Variants in ACCSL observed in about 807,000 individuals in gnomAD.
The protein encoded by ACCSL is 1-aminocyclopropane-1-carboxylate synthase homolog (inactive) like.
A neutral mutation model predicts 61.7 loss-of-function variants in ACCSL; 55 were observed. The ratio of observed to expected loss-of-function variants is 0.89; its 90% CI spans 0.72 to 1.12. The LOEUF (loss-of-function observed/expected upper bound fraction) is 1.12. Ranked by LOEUF, ACCSL falls within the 50% of genes most tolerant of loss-of-function variation. ACCSL has a pLI of 0.00. For missense variants in ACCSL, 632 were observed against 698.0 expected (o/e 0.91, Z 1.07); for synonymous variants, 258 against 264.3 (o/e 0.98, Z 0.23).
chr11:44,050,422 G>T, intron 2 of ACCSL, 130 bp from the exon 3 acceptor site: 1 of 768,650 alleles, frequency 1.3e-6, no homozygotes, highest in Non-Finnish European at 2.2e-6. Flanking sequence ...GGAGCATGCA[G>T]TGTATATACC....
the ACCSL span, among the ~76,000 whole-genome samples, chr11:43,966,242 A>G: frequency 1.3e-5 from 2 of 152,194 alleles, no homozygotes; most frequent in African/African-American, 2.4e-5. Flanking sequence ...CGTGGCCAAC[A>G]TGGTAAAACC....
At position 44,048,060 on chromosome 11, in the gene ACCSL, T is replaced by C. The variant is rs776707991; in HGVS notation, c.24T>C (p.Leu8=). ...GTATGAGTCATCGGTCAGACACCCT[T>C]CCTGTGCCCTCTGGTCAGAGGAGAG... MSHRSDT[L]PVPSGQRRGR... Residue 8 remains leucine (L), a synonymous_variant, in exon 1 of 14, where the codon CTT becomes CTC. Coordinates refer to ENST00000378832, the MANE Select transcript of ACCSL (RefSeq NM_001031854.2). 38 of 1,612,996 alleles carry C rather than the reference T, an allele frequency of 2.4e-5. No individual in the cohort carries two copies. Among genetic ancestry groups the C allele is most frequent in the Non-Finnish European group, 3.2e-5 (38 of 1,179,188 alleles).
At chr11:43,943,601 C>G in the ACCSL span, 1 of 1,308,524 alleles carries the variant, frequency 7.6e-7, no homozygotes, top group South Asian at 1.2e-5. The surrounding 1 kb of genome is among the most constrained non-coding windows in gnomAD (Gnocchi z 4.8). Context: ...ACTCCATGCC[C>G]TTGTCCGATG....
the ACCSL span, among the ~76,000 whole-genome samples, chr11:44,016,469 C>A: frequency 2.0e-5 from 3 of 152,106 alleles, no homozygotes; most frequent in Admixed American, 6.6e-5. Context: ...TGGAAAGGGT[C>A]CTAAATCCTC....
the ACCSL span, among the ~76,000 whole-genome samples, chr11:43,927,914 G>A: frequency 2.0e-5 from 3 of 152,288 alleles, no homozygotes; most frequent in Admixed American, 2.0e-4. Context: ...TATGGGTGGT[G>A]GTATTATACT....
the ACCSL span, among the ~76,000 whole-genome samples, chr11:44,034,077 T>C: frequency 0.18 from 28,073 of 151,920 alleles, 2,684 homozygotes; most frequent in East Asian, 0.32. Context: ...GCAGCCCCAT[T>C]TGGTTTGCCT....
the ACCSL span, among the ~76,000 whole-genome samples, chr11:43,946,674 G>C: frequency 6.6e-6 from 1 of 152,230 alleles, no homozygotes; most frequent in African/African-American, 2.4e-5. Flanking sequence ...CTATTGAATA[G>C]ATACTCCATA....
At chr11:44,051,231 G>A in intron 3 of ACCSL, 104 bp from the exon 4 acceptor site, 1 of 1,126,178 alleles carries the variant, frequency 8.9e-7, no homozygotes, top group Non-Finnish European at 1.4e-6. Flanking sequence ...ATATGAGGTT[G>A]GACTGAGTAG....
At chr11:43,943,374 A>G in the ACCSL span, 1 of 1,386,874 alleles carries the variant, frequency 7.2e-7, no homozygotes, top group Non-Finnish European at 9.3e-7. The surrounding 1 kb of genome is among the most constrained non-coding windows in gnomAD (Gnocchi z 4.8). Flanking sequence ...GGGACCCGCA[A>G]GGACCCGGGA....
Position 44,056,240 on chromosome 11 carries a change from T to G in ACCSL, c.1241T>G (p.Val414Gly), listed in dbSNP as rs1952670829. The part of the protein sequence containing the change: ...FGALYTHNKE[V>G]ASAVSAFGYL... Reference sequence around the variant, plus strand: ...GCTCTGTATACCCACAACAAGGAGGTGGCCTCTGCTGTGAGTGCCTTTGGC... The same window carrying G: ...GCTCTGTATACCCACAACAAGGAGGGGGCCTCTGCTGTGAGTGCCTTTGGC... Residue 414 changes from valine (V) to glycine (G), a missense_variant, in exon 11 of 14, where the codon GTG becomes GGG. By Grantham distance (109) the Val-to-Gly change is moderately radical. Coordinates refer to ENST00000378832, the MANE Select transcript of ACCSL (RefSeq NM_001031854.2). 2 of 1,614,152 alleles carry G rather than the reference T, an allele frequency of 1.2e-6. No homozygotes were observed. The highest frequency in any genetic ancestry group is 8.5e-7 in the Non-Finnish European group (1 of 1,180,032).
the ACCSL span, among the ~76,000 whole-genome samples, chr11:43,960,891 T>G: frequency 6.6e-6 from 1 of 152,190 alleles, no homozygotes; most frequent in Non-Finnish European, 1.5e-5. Context: ...CGATCTTGGC[T>G]CACTGCAACC....
the ACCSL span, among the ~76,000 whole-genome samples, chr11:43,972,961 A>T: frequency 6.6e-6 from 1 of 152,212 alleles, no homozygotes; most frequent in African/African-American, 2.4e-5. Context: ...TGGGCAGGAC[A>T]GTGAGACTCC....
At chr11:43,949,149 T>C in the ACCSL span, among the ~76,000 whole-genome samples, 5 of 152,200 alleles carry the variant, frequency 3.3e-5, no homozygotes, top group African/African-American at 1.2e-4. Context: ...TTTCAGATCC[T>C]CGCACATTTC....
the ACCSL span, chr11:43,933,046 T>G: frequency 2.2e-5 from 10 of 455,282 alleles, no homozygotes; most frequent in East Asian, 6.9e-4. Context: ...ACCCTCTTGC[T>G]TCTGCGTTTC....
At chr11:44,040,217 G>T in the ACCSL span, among the ~76,000 whole-genome samples, 1 of 152,180 alleles carries the variant, frequency 6.6e-6, no homozygotes. Context: ...TTTTAATTGG[G>T]AGTCCCTTGC....
chr11:44,019,223 A>G, the ACCSL span, among the ~76,000 whole-genome samples: 2 of 152,342 alleles, frequency 1.3e-5, no homozygotes, highest in South Asian at 2.1e-4. Context: ...TATTATGAAT[A>G]ATATTGTTAT....
chr11:44,048,644 C>A, intron 1 of ACCSL, 104 bp downstream of exon 1: 2 of 1,141,752 alleles, frequency 1.8e-6, no homozygotes, highest in Admixed American at 4.4e-5. Flanking sequence ...TTCTTTATAG[C>A]CTTATGAAAC....
chr11:43,932,338 G>A, the ACCSL span, among the ~76,000 whole-genome samples: 3 of 152,122 alleles, frequency 2.0e-5, no homozygotes, highest in Non-Finnish European at 4.4e-5. Context: ...CACAGTCTCA[G>A]CTCACTGCAC....
At chr11:43,943,239 G>T in the ACCSL span, 1 of 1,524,706 alleles carries the variant, frequency 6.6e-7, no homozygotes, top group Non-Finnish European at 8.8e-7. The surrounding 1 kb of genome is among the most constrained non-coding windows in gnomAD (Gnocchi z 4.8). Flanking sequence ...CTGAGGAACA[G>T]CCTGGACTCC....
Sources: gnomAD v4.1 joint callset for allele counts (sites outside exome capture counted in the v4.1 genomes callset) on GRCh38, gnomAD v4.1.1 for gene constraint, Gnocchi (gnomAD v3.1) non-coding constraint, MANE v1.5 for transcripts, NCBI Gene and HGNC (gene_info 2026-07-23, HGNC 2026-07-21) for gene names.